Variants in NPAS2 observed in about 807,000 individuals in gnomAD.
NPAS2 encodes neuronal PAS domain protein 2, also known as neuronal PAS domain-containing protein 2.
Under a neutral mutation model 107.5 loss-of-function variants are expected in NPAS2, and 23 were observed. The observed-to-expected ratio is 0.21, with a 90% CI of 0.15 to 0.30. The LOEUF is 0.30. NPAS2 is among the 10% of genes least tolerant of loss of function. NPAS2 has a pLI of 1.00. For synonymous variants in NPAS2, 403 were observed against 417.5 expected (o/e 0.97, Z 0.42); for missense variants, 756 against 1,043.3 (o/e 0.72, Z 3.79).
At chr2:100,907,489 A>AACACACACACACAC (rs55951417) in intron 2 of NPAS2, among the ~76,000 whole-genome samples, 7 of 144,780 alleles carry the variant, frequency 4.8e-5, no homozygotes, top group African/African-American at 1.3e-4. Context: ...AACACTTGGG[A>AACACACACACACAC]ACACACACAC....
chr2:100,837,562 C>T (rs575446746), intron 1 of NPAS2, among the ~76,000 whole-genome samples: 6 of 152,284 alleles, frequency 3.9e-5, no homozygotes, highest in African/African-American at 1.4e-4. Context: ...ATCCACCCGC[C>T]TTGGCCTCCC....
At chr2:100,833,215 A>ATATGG (rs761798807) in intron 1 of NPAS2, among the ~76,000 whole-genome samples, 2 of 152,194 alleles carry the variant, frequency 1.3e-5, no homozygotes, top group African/African-American at 2.4e-5. Flanking sequence ...TGACGCCCTG[A>ATATGG]TATGGTCACT....
At chr2:100,828,295 C>A (rs1489144439) in intron 1 of NPAS2, among the ~76,000 whole-genome samples, 3 of 151,948 alleles carry the variant, frequency 2.0e-5, no homozygotes, top group African/African-American at 7.3e-5. Flanking sequence ...CTTATAGATT[C>A]TGGATATTAG....
At chr2:100,966,667 C>T (rs1185575303) in intron 10 of NPAS2, among the ~76,000 whole-genome samples, 1 of 150,008 alleles carries the variant, frequency 6.7e-6, no homozygotes, top group Non-Finnish European at 1.5e-5. Flanking sequence ...AATCTCGGCT[C>T]ACTGCAAGCT....
At chr2:100,892,024 C>G (rs1366773445) in intron 1 of NPAS2, among the ~76,000 whole-genome samples, 1 of 152,144 alleles carries the variant, frequency 6.6e-6, no homozygotes, top group African/African-American at 2.4e-5. Context: ...GCTGATTTTT[C>G]TAGGCATCTA....
chr2:100,909,690 C>T (rs924430617), intron 2 of NPAS2, among the ~76,000 whole-genome samples: 3 of 150,938 alleles, frequency 2.0e-5, no homozygotes, highest in Non-Finnish European at 4.4e-5. Context: ...TAAGCTCCCA[C>T]ACGGGGGGAA....
chr2:100,819,025 C>T (rs1573385427), upstream of NPAS2, among the ~76,000 whole-genome samples: 5 of 152,302 alleles, frequency 3.3e-5, no homozygotes, highest in East Asian at 7.8e-4. The surrounding 1 kb of genome is among the most constrained non-coding windows in gnomAD (Gnocchi z 5.8). Context: ...GGGGATTATT[C>T]CTGTACCTCT....
chr2:100,995,950 G>C lies in NPAS2; in HGVS notation c.*368G>C. 7.3e-7 allele frequency: 1 copy of C among 1,361,602 alleles called. No homozygotes were observed. The highest frequency in any genetic ancestry group is 1.5e-5 in the African/African-American group (1 of 68,646). 84.3% of individuals were successfully genotyped at this position (1,361,602 alleles called of 1,614,324 possible). A position where few individuals can be genotyped will look rare whatever the true frequency, so the allele number is the denominator to read the frequency against. On this transcript the variant is annotated 3_prime_UTR_variant, in exon 21 of 21. Transcript: ENST00000335681. Reference sequence around the variant, plus strand: ...ACCTGCGGCCCGCCCATCTGCGCTAGCTGGCCTTCACGCTCTTGATCGTCT... The same window carrying C: ...ACCTGCGGCCCGCCCATCTGCGCTACCTGGCCTTCACGCTCTTGATCGTCT...
chr2:100,943,100 C>T (rs1674674124), intron 5 of NPAS2, among the ~76,000 whole-genome samples: 1 of 151,988 alleles, frequency 6.6e-6, no homozygotes, highest in African/African-American at 2.4e-5. Context: ...GAGGGAAGTT[C>T]TGCCTCCACC....
At chr2:100,882,744 C>T (rs1302581242) in intron 1 of NPAS2, among the ~76,000 whole-genome samples, 2 of 152,196 alleles carry the variant, frequency 1.3e-5, no homozygotes, top group South Asian at 2.1e-4. Flanking sequence ...GTATGGTCAG[C>T]GACCTCTGCC....
At chr2:100,880,292 A>G (rs1680250669) in intron 1 of NPAS2, among the ~76,000 whole-genome samples, 1 of 152,234 alleles carries the variant, frequency 6.6e-6, no homozygotes, top group African/African-American at 2.4e-5. Flanking sequence ...GAGAAATGAA[A>G]ACATATGTCC....
At chr2:100,917,670 C>T (rs1196897754) in intron 2 of NPAS2, among the ~76,000 whole-genome samples, 1 of 152,176 alleles carries the variant, frequency 6.6e-6, no homozygotes, top group Non-Finnish European at 1.5e-5. Flanking sequence ...TAAGGAAATA[C>T]TATGAACAAT....
chr2:100,882,401 AGT>A (rs1680411626), intron 1 of NPAS2, among the ~76,000 whole-genome samples: 6 of 152,208 alleles, frequency 3.9e-5, no homozygotes, highest in Non-Finnish European at 7.3e-5. Context: ...CAAGGTCAGG[AGT>A]TCGAGACCAT....
chr2:100,872,382 T>C (rs1391453895), intron 1 of NPAS2, among the ~76,000 whole-genome samples: 3 of 152,306 alleles, frequency 2.0e-5, no homozygotes, highest in South Asian at 2.1e-4. Flanking sequence ...CTTAGAACCA[T>C]GCCTGCAACC....
chr2:100,964,236 A>T, intron 8 of NPAS2, 60 bp downstream of exon 8: 1 of 1,091,632 alleles, frequency 9.2e-7, no homozygotes, highest in Non-Finnish European at 1.4e-6. Context: ...ACATTTTGTT[A>T]TATGTAATTA....
chr2:100,933,035 G>A, intron 4 of NPAS2, 34 bp downstream of exon 4: 1 of 1,500,278 alleles, frequency 6.7e-7, no homozygotes, highest in Non-Finnish European at 9.3e-7. Flanking sequence ...TTAAACAGTT[G>A]CCAGTTAAAA....
At chr2:100,915,334 A>G (rs1354781048) in intron 2 of NPAS2, among the ~76,000 whole-genome samples, 1 of 152,178 alleles carries the variant, frequency 6.6e-6, no homozygotes, top group African/African-American at 2.4e-5. Flanking sequence ...GAGGAAGGGC[A>G]GGATAAATAG....
intron 15 of NPAS2, 83 bp downstream of exon 15, chr2:100,977,882 G>T: frequency 8.3e-7 from 1 of 1,210,290 alleles, no homozygotes; most frequent in Non-Finnish European, 1.2e-6. Context: ...GTACACTTAG[G>T]TCCCAACCAA....
intron 1 of NPAS2, among the ~76,000 whole-genome samples, chr2:100,830,725 G>A (rs1180018832): frequency 6.6e-6 from 1 of 152,170 alleles, no homozygotes. Context: ...TCTGTCTTTA[G>A]TGTTGTATAG....
Sources: allele counts gnomAD v4.1 joint callset (sites outside exome capture counted in the v4.1 genomes callset), GRCh38; gene constraint gnomAD v4.1.1; non-coding constraint Gnocchi (gnomAD v3.1); transcripts MANE v1.5; gene names NCBI Gene and HGNC (gene_info 2026-07-23, HGNC 2026-07-21).